Variants in CPS1 observed in about 807,000 individuals in gnomAD.
CPS1 encodes the protein carbamoyl-phosphate synthase 1, also known as carbamoyl-phosphate synthase [ammonia], mitochondrial.
In CPS1, 109 loss-of-function variants were observed where a neutral mutation model predicts 174.6. That is an observed-to-expected ratio of 0.62 (90% CI 0.53 to 0.73). CPS1 has a LOEUF of 0.73. Among genes scored for constraint, CPS1 ranks in the 30% least tolerant of loss-of-function variants. The pLI is 0.00. For synonymous variants in CPS1, 637 were observed against 632.0 expected, an observed-to-expected ratio of 1.01 and a Z score of -0.12; for missense variants, 1,689 against 1,821.9, an observed-to-expected ratio of 0.93 and a Z score of 1.33.
intron 1 of CPS1, among the ~76,000 whole-genome samples, chr2:210,540,757 A>C (rs1320745043): frequency 6.6e-6 from 1 of 152,138 alleles, no homozygotes; most frequent in Non-Finnish European, 1.5e-5. Context: ...TAAAACATAG[A>C]AGCCTACTAT....
chr2:210,598,902 C>T (rs1431427760), intron 13 of CPS1, among the ~76,000 whole-genome samples: 1 of 151,954 alleles, frequency 6.6e-6, no homozygotes, highest in African/African-American at 2.4e-5. Context: ...CCCAAAACAA[C>T]AGAATATACA....
chr2:210,520,835 T>C (rs1441147030), intron 1 of CPS1, among the ~76,000 whole-genome samples: 1 of 152,040 alleles, frequency 6.6e-6, no homozygotes, highest in Non-Finnish European at 1.5e-5. Flanking sequence ...ACAATGTTTT[T>C]TACTCACTCA....
chr2:210,586,708 G>A (rs1242525094), intron 6 of CPS1, among the ~76,000 whole-genome samples: 3 of 152,030 alleles, frequency 2.0e-5, no homozygotes, highest in Admixed American at 6.6e-5. Context: ...GCATATCTGT[G>A]TTTTTATCTG....
In CPS1 at chr2:210,581,195, C is replaced by T. The variant is rs949388748; in HGVS notation, c.529-1422C>T. 2.0e-4 allele frequency among the ~76,000 whole-genome samples: 30 copies of T among 152,036 alleles called. No homozygotes were observed. In the East Asian group the frequency reaches 5.0e-3, roughly 26 times the overall value. On this transcript the variant is annotated intron_variant, in intron 5 of 37. Transcript: ENST00000233072. ...GTAAGCAATGACGAGGCTATGAGGG[C>T]GGGAAAGGAATACAGTTGGGAAAAT...
chr2:210,553,566 C>G, upstream of CPS1, among the ~76,000 whole-genome samples: 1 of 151,672 alleles, frequency 6.6e-6, no homozygotes, highest in East Asian at 1.9e-4. Flanking sequence ...AATGTACTTC[C>G]AAGTACACAG....
chr2:210,486,103 TACACACACACATAC>T (rs1334048344), intron 1 of CPS1, among the ~76,000 whole-genome samples: 4 of 103,916 alleles, frequency 3.8e-5, no homozygotes, highest in African/African-American at 1.5e-4. Context: ...CATATATATA[TACACACACACATAC>T]ACACACACAC....
At chr2:210,613,177 G>A (rs146411299) in intron 20 of CPS1, among the ~76,000 whole-genome samples, 71 of 151,950 alleles carry the variant, frequency 4.7e-4, no homozygotes, top group African/African-American at 1.4e-3. Flanking sequence ...AAGGATTCCC[G>A]TCTTTGTAAT....
intron 36 of CPS1, among the ~76,000 whole-genome samples, chr2:210,676,132 C>G (rs1701525094): frequency 6.6e-6 from 1 of 152,158 alleles, no homozygotes; most frequent in Non-Finnish European, 1.5e-5. Flanking sequence ...TCATGTCAAA[C>G]TTATATTGTG....
chr2:210,486,060 ATATATATATG>A (rs1694706115), intron 1 of CPS1, among the ~76,000 whole-genome samples: 2 of 149,666 alleles, frequency 1.3e-5, no homozygotes, highest in Non-Finnish European at 3.0e-5. Flanking sequence ...CCAGCCAAAT[ATATATATATG>A]TATATATATG....
At position 210,601,722 on chromosome 2, in the gene CPS1, A is replaced by T. The variant is rs576006886; in HGVS notation, c.1708-480A>T. ...AAAAAAAGAATTCCAAGCTTCTGGGACTATGCTCAGACTGAACTTGAAAAT... is the reference window on the plus strand; with the variant it reads ...AAAAAAAGAATTCCAAGCTTCTGGGTCTATGCTCAGACTGAACTTGAAAAT... On this transcript the variant is annotated intron_variant, in intron 15 of 37. Transcript: ENST00000233072. Among the ~76,000 whole-genome samples, 72 of 152,044 alleles carry T rather than the reference A, an allele frequency of 4.7e-4. 1 individual carries two copies. The highest frequency in any genetic ancestry group is 3.4e-3 in the Middle Eastern group (1 of 294).
intron 1 of CPS1, among the ~76,000 whole-genome samples, chr2:210,506,900 A>C (rs1051063621): frequency 1.3e-5 from 2 of 152,246 alleles, no homozygotes; most frequent in Non-Finnish European, 2.9e-5. Flanking sequence ...TCTATGTCTG[A>C]TTGGTGTACC....
intron 14 of CPS1, 30 bp from the exon 15 acceptor site, chr2:210,600,525 A>T: frequency 6.2e-7 from 1 of 1,609,088 alleles, no homozygotes; most frequent in Middle Eastern, 1.7e-4. Context: ...TCAAGATTTT[A>T]AAAACTAATC....
At position 210,612,166 on chromosome 2, in the gene CPS1, G is replaced by A. The variant is rs200731808; in HGVS notation, c.2441G>A (p.Arg814Gln). The change falls in exon 20 of 38, where the codon CGG becomes CAG. Residue 814 changes from arginine (R) to glutamine (Q), a missense_variant. By Grantham distance (43) the Arg-to-Gln change is conservative. Transcript: ENST00000233072. ...GAGGAGAGTTTCCAGAAAGCTTTACGGATGTGCCACCCATCTATAGAAGGT... is the reference window on the plus strand; with the variant it reads ...GAGGAGAGTTTCCAGAAAGCTTTACAGATGTGCCACCCATCTATAGAAGGT... ...TFEESFQKAL[R>Q]MCHPSIEGFT... 1.1e-5 allele frequency: 17 copies of A among 1,611,942 alleles called. No homozygotes were observed. The highest frequency in any genetic ancestry group is 4.5e-5 in the East Asian group (2 of 44,792).
chr2:210,650,937 T>C (rs1365030011), intron 28 of CPS1, among the ~76,000 whole-genome samples: 1 of 152,222 alleles, frequency 6.6e-6, no homozygotes, highest in Non-Finnish European at 1.5e-5. Flanking sequence ...TATTTTTTCC[T>C]GTTGGCACAT....
chr2:210,601,328 G>T (rs758384235), intron 15 of CPS1, among the ~76,000 whole-genome samples: 5 of 151,880 alleles, frequency 3.3e-5, no homozygotes, highest in African/African-American at 4.8e-5. Context: ...CTCATAGCTG[G>T]TGAAGTGGAG....
At chr2:210,485,491 A>G (rs1455866950) in intron 1 of CPS1, among the ~76,000 whole-genome samples, 1 of 152,304 alleles carries the variant, frequency 6.6e-6, no homozygotes, top group African/African-American at 2.4e-5. Flanking sequence ...CTGAAAATAT[A>G]TAATTTCTGC....
At chr2:210,647,332 T>C (rs1408449980) in intron 25 of CPS1, among the ~76,000 whole-genome samples, 1 of 152,116 alleles carries the variant, frequency 6.6e-6, no homozygotes, top group Non-Finnish European at 1.5e-5. Flanking sequence ...GGGGTGATAA[T>C]AGATAAGACT....
In CPS1 at chr2:210,675,770, A is replaced by G. The variant is rs1701507314; in HGVS notation, c.4204A>G (p.Asn1402Asp). ...CACATCAGACTGGCTCAACGCCAAC[A>G]ATGTCCCTGCCACCCCAGTGGCATG... is the stretch of plus-strand genomic sequence containing the variant. ...EATSDWLNAN[N>D]VPATPVAWPS... The change falls in exon 36 of 38, where the codon AAT (asparagine) becomes GAT (aspartate). Residue 1402 changes from asparagine (N) to aspartate (D), a missense_variant. Transcript: ENST00000233072. The G allele has an allele frequency of 1.2e-6, 2 of 1,611,258 alleles. No individual in the cohort carries two copies. Among genetic ancestry groups the G allele is most frequent in the Non-Finnish European group, 1.7e-6 (2 of 1,177,362 alleles).
intron 1 of CPS1, among the ~76,000 whole-genome samples, chr2:210,509,924 T>C (rs1242643485): frequency 2.6e-5 from 4 of 152,126 alleles, no homozygotes; most frequent in African/African-American, 9.7e-5. Flanking sequence ...GTAGGAACAA[T>C]CAATATCGTG....
Sources: gnomAD v4.1 joint callset for allele counts (sites outside exome capture counted in the v4.1 genomes callset) on GRCh38, gnomAD v4.1.1 for gene constraint, MANE v1.5 for transcripts, NCBI Gene and HGNC (gene_info 2026-07-23, HGNC 2026-07-21) for gene names.